The following DPEP2 variants were observed in gnomAD, a reference collection of about 807,000 sequenced individuals.
The protein encoded by DPEP2 is dipeptidase 2.
In DPEP2, 45 loss-of-function variants were observed where a neutral mutation model predicts 51.8. The observed-to-expected ratio is 0.87, with a 90% CI of 0.68 to 1.11. DPEP2 has a LOEUF of 1.11. Among genes scored for constraint, DPEP2 ranks in the 50% most tolerant of loss-of-function variants. The pLI, the probability that DPEP2 is intolerant of heterozygous loss-of-function variation, is 0.00. For missense variants in DPEP2, 604 were observed against 631.9 expected, an observed-to-expected ratio of 0.96 and a Z score of 0.47; for synonymous variants, 255 against 262.7, an observed-to-expected ratio of 0.97 and a Z score of 0.28.
intron 1 of DPEP2, among the ~76,000 whole-genome samples, chr16:67,998,464 C>T (rs982898181): frequency 6.6e-6 from 1 of 152,346 alleles, no homozygotes; most frequent in East Asian, 1.9e-4. Flanking sequence ...GGGCAGGGCT[C>T]GGGACCTGCA....
Position 67,992,501 on chromosome 16 carries a change from C to T in DPEP2, c.390+9G>A. On this transcript the variant is annotated intron_variant, in intron 3 of 10. Coordinates refer to ENST00000393847, the MANE Select transcript of DPEP2 (RefSeq NM_022355.4). ...CCATGCTGTGGCACCTCGTGTATCC[C>T]TGTGGTACCTGGGCGCCCACGAGGC... The T allele has an allele frequency of 1.2e-6, 2 of 1,608,672 alleles. No homozygotes were observed. Among genetic ancestry groups the T allele is most frequent in the South Asian group, 1.1e-5 (1 of 90,686 alleles).
intron 1 of DPEP2, among the ~76,000 whole-genome samples, chr16:67,996,327 C>T (rs2032694364): frequency 6.6e-6 from 1 of 151,116 alleles, no homozygotes; most frequent in Non-Finnish European, 1.5e-5. Context: ...TAACAGCTGA[C>T]AGAGTAGGTG....
At chr16:67,997,990 T>G (rs771565208) in intron 1 of DPEP2, among the ~76,000 whole-genome samples, 2 of 152,166 alleles carry the variant, frequency 1.3e-5, no homozygotes, top group Non-Finnish European at 2.9e-5. Flanking sequence ...CCCCAAATTA[T>G]CCCTGTGCTC....
Position 67,990,270 on chromosome 16 carries a change from A to G in DPEP2, c.910-139T>C, listed in dbSNP as rs1392185693. 13 of 746,256 alleles carry G rather than the reference A, an allele frequency of 1.7e-5. No individual in the cohort carries two copies. The Admixed American group carries it at 2.6e-4, about 15-fold the overall frequency. 46.2% of individuals were successfully genotyped at this position (746,256 alleles called of 1,614,324 possible). ...AGAAACTTCACCTCTCTGGTTTTGT[A>G]TGAAGGGAGGAGTCTAGGCCCTGGT... On this transcript the variant is annotated intron_variant, in intron 7 of 10. Transcript: ENST00000393847.
Position 67,992,640 on chromosome 16 carries a change from G to A in DPEP2, c.264-4C>T. 6 of 1,612,082 alleles carry A rather than the reference G, an allele frequency of 3.7e-6. No individual in the cohort carries two copies. Among genetic ancestry groups the A allele is most frequent in the Non-Finnish European group, 4.2e-6 (5 of 1,178,500 alleles). On this transcript the variant is annotated splice_region_variant and splice_polypyrimidine_tract_variant and intron_variant, in intron 2 of 10. Coordinates refer to ENST00000393847, the MANE Select transcript of DPEP2 (RefSeq NM_022355.4). Reference sequence around the variant, plus strand: ...GACCAGGGGCAGGTCGTTGTGGCTGGAGGGATGTCAAGCCAGGGTCAGGTG... The same window carrying A: ...GACCAGGGGCAGGTCGTTGTGGCTGAAGGGATGTCAAGCCAGGGTCAGGTG...
chr16:67,999,930 A>G (rs181683430), upstream of DPEP2, among the ~76,000 whole-genome samples: 70 of 152,234 alleles, frequency 4.6e-4, 1 homozygote, highest in Admixed American at 4.2e-3. Context: ...ACAAGATCCA[A>G]TGCATCCTCC....
intron 8 of DPEP2, 100 bp from the exon 9 acceptor site, chr16:67,989,498 GC>G: frequency 7.9e-7 from 1 of 1,264,924 alleles, no homozygotes; most frequent in Non-Finnish European, 1.1e-6. Context: ...CAGCCTGTGG[GC>G]CAGGCAGGCT....
intron 1 of DPEP2, among the ~76,000 whole-genome samples, chr16:67,996,732 C>T (rs1182657070): frequency 1.3e-5 from 2 of 151,878 alleles, no homozygotes; most frequent in African/African-American, 2.4e-5. Context: ...AATGTCTGAC[C>T]TCCTGGGACT....
In DPEP2 at chr16:67,987,669, A is replaced by G. The variant is rs752075576; in HGVS notation, c.1298T>C (p.Leu433Pro). The change falls in exon 11 of 11, where the codon CTG (leucine) becomes CCG (proline). Residue 433 changes from leucine (L) to proline (P), a missense_variant. By Grantham distance (98) the Leu-to-Pro change is moderately conservative (BLOSUM62 -3). Coordinates refer to ENST00000393847, the MANE Select transcript of DPEP2 (RefSeq NM_022355.4). Reference sequence around the variant, plus strand: ...TGAAGTCAGACTCTGTCTCTGACGCAGACGTGAGAGGTCGGAGTGGCAGGA... The same window carrying G: ...TGAAGTCAGACTCTGTCTCTGACGCGGACGTGAGAGGTCGGAGTGGCAGGA... Reference protein sequence around the residue: ...SSSCHSDLSRLRQRQSLTSGQ... With the variant: ...SSSCHSDLSRPRQRQSLTSGQ... 5.0e-6 allele frequency: 8 copies of G among 1,614,230 alleles called. No homozygotes were observed. Among genetic ancestry groups the G allele is most frequent in the South Asian group, 1.1e-5 (1 of 91,084 alleles).
intron 1 of DPEP2, 159 bp from the exon 2 acceptor site, chr16:67,993,416 G>A: frequency 1.6e-6 from 2 of 1,264,648 alleles, no homozygotes; most frequent in African/African-American, 3.1e-5. Flanking sequence ...CCACCAGGGG[G>A]CGCCCAGCCC....
chr16:67,990,359 AC>A, intron 7 of DPEP2, among the ~76,000 whole-genome samples: 1 of 152,072 alleles, frequency 6.6e-6, no homozygotes, highest in East Asian at 1.9e-4. Context: ...ACCATCTAGA[AC>A]CCCCGACTCC....
At chr16:68,000,434 C>T, upstream of DPEP2, 1 of 985,334 alleles carries the variant, frequency 1.0e-6, no homozygotes, top group South Asian at 4.7e-5. Flanking sequence ...AGGTGGGGTG[C>T]AGCTGGGGCT....
chr16:67,996,668 G>A (rs1368687558), intron 1 of DPEP2, among the ~76,000 whole-genome samples: 2 of 151,780 alleles, frequency 1.3e-5, no homozygotes, highest in African/African-American at 4.8e-5. Context: ...AGGTGTGAGC[G>A]ACCGCACTCG....
Position 67,987,659 on chromosome 16 carries a change from TCTCTGACGCAGA to T in DPEP2, c.1296_1307del (p.Leu433_Arg436del). The stretch of plus-strand genomic sequence containing the variant: ...GTTCCTGGCCTGAAGTCAGACTCTG[TCTCTGACGCAGA>T]CGTGAGAGGTCGGAGTGGCAGGAAC... On this transcript the variant is annotated inframe_deletion, in exon 11 of 11. Transcript: ENST00000393847. The T allele has an allele frequency of 6.2e-7, 1 of 1,614,180 alleles. No homozygotes were observed. The highest frequency in any genetic ancestry group is 1.1e-5 in the South Asian group (1 of 91,076).
chr16:67,992,557 C>G lies in DPEP2; in HGVS notation c.343G>C (p.Gly115Arg), dbSNP rs574279521. ...QDVNLRNFSYGQTSLDRLRDG... is the reference protein window; with the variant it reads ...QDVNLRNFSYRQTSLDRLRDG... ...CTAAGCCTGTCCAGGCTGGTCTGGC[C>G]GTAGCTGAAATTGCGCAGGTTAACA... Residue 115 changes from glycine (G) to arginine (R), a missense_variant, in exon 3 of 11, where the codon GGC becomes CGC. Transcript: ENST00000393847. 4.3e-6 allele frequency: 7 copies of G among 1,614,122 alleles called. No individual in the cohort carries two copies. The East Asian group carries it at 1.6e-4, about 36-fold the overall frequency.
At chr16:67,995,026 G>A (rs557569532) in intron 1 of DPEP2, 66 of 374,346 alleles carry the variant, frequency 1.8e-4, no homozygotes, top group Non-Finnish European at 2.4e-4. Flanking sequence ...TTAACTTCCC[G>A]AGTAGCTGGG....
chr16:67,994,426 A>T (rs1252405209), intron 1 of DPEP2: 1 of 984,714 alleles, frequency 1.0e-6, no homozygotes, highest in Non-Finnish European at 1.2e-6. Context: ...AGGACCCCCA[A>T]CCACACAAGC....
intron 1 of DPEP2, chr16:67,994,823 G>C (rs919399291): frequency 1.3e-5 from 13 of 985,298 alleles, no homozygotes; most frequent in Non-Finnish European, 3.6e-6. Context: ...CCCAGTGTCT[G>C]CTGTCCAGGA....
intron 1 of DPEP2, among the ~76,000 whole-genome samples, chr16:67,998,158 C>T (rs2032807812): frequency 6.6e-6 from 1 of 152,214 alleles, no homozygotes; most frequent in African/African-American, 2.4e-5. Context: ...GTAGGAGCCC[C>T]TTTCTGGGCT....
Sources: gnomAD v4.1 joint callset for allele counts (sites outside exome capture counted in the v4.1 genomes callset) on GRCh38, gnomAD v4.1.1 for gene constraint, MANE v1.5 for transcripts, NCBI Gene and HGNC (gene_info 2026-07-23, HGNC 2026-07-21) for gene names.